ZIM2: variants seen among roughly 807,000 people sequenced by gnomAD.
ZIM2 encodes zinc finger imprinted 2, also known as zinc finger protein 656.
A neutral mutation model predicts 38.6 loss-of-function variants in ZIM2; 14 were observed. That is an observed-to-expected ratio of 0.36 (90% CI 0.24 to 0.57). ZIM2 has a LOEUF of 0.57. ZIM2 is among the 20% of genes least tolerant of loss of function. The pLI, the probability that ZIM2 is intolerant of heterozygous loss-of-function variation, is 0.81. For missense variants in ZIM2, 680 were observed against 695.1 expected (o/e 0.98, Z 0.24); for synonymous variants, 247 against 245.8 (o/e 1.00, Z -0.04).
At chr19:56,815,247 G>T in intron 9 of ZIM2, 1 of 1,614,128 alleles carries the variant, frequency 6.2e-7, no homozygotes. Flanking sequence ...CAGTATTCTC[G>T]CCTTGAGACT....
intron 9 of ZIM2, chr19:56,816,150 A>G (rs781479617): frequency 1.1e-5 from 18 of 1,613,794 alleles, no homozygotes; most frequent in Non-Finnish European, 1.5e-5. Flanking sequence ...CATTTTCCTT[A>G]GTGGGAATCT....
At chr19:56,824,623 T>C (rs1359667961) in intron 3 of ZIM2, 196 bp from the exon 4 acceptor site, 2 of 1,605,644 alleles carry the variant, frequency 1.2e-6, no homozygotes, top group South Asian at 1.1e-5. Flanking sequence ...ACTTCTTAGG[T>C]TTGGTGGCAG....
chr19:56,815,063 T>C (rs2059845310), intron 9 of ZIM2: 3 of 1,614,066 alleles, frequency 1.9e-6, no homozygotes, highest in African/African-American at 1.3e-5. Flanking sequence ...CTGTGGACTT[T>C]CTGATGGTCT....
At position 56,775,512 on chromosome 19, in the gene ZIM2, G is replaced by A. The variant is rs1173297444; in HGVS notation, c.853C>T (p.Pro285Ser). The change falls in exon 13 of 13, where the codon CCA becomes TCA. Residue 285 changes from proline (P) to serine (S), a missense_variant. Pro to Ser is a moderately conservative substitution (Grantham distance 74). Transcript: ENST00000629319. ...VICQGESHDD[P>S]LEPHQGNQEK... ...TGGTTGCCCTGGTGTGGTTCCAATG[G>A]ATCATCATGAGACTCTCCTGCAGAG... 1.9e-6 allele frequency: 3 copies of A among 1,611,606 alleles called. No individual in the cohort carries two copies. The highest frequency in any genetic ancestry group is 1.7e-4 in the Middle Eastern group (1 of 6,038).
intron 11 of ZIM2, 58 bp downstream of exon 11, chr19:56,781,895 G>C: frequency 6.3e-7 from 1 of 1,576,504 alleles, no homozygotes; most frequent in South Asian, 1.2e-5. Flanking sequence ...ACACGAAGGA[G>C]TTGAGAGCTA....
In ZIM2 at chr19:56,808,719, A is replaced by G. The variant is rs559019891; in HGVS notation, c.490+9027T>C. Among the ~76,000 whole-genome samples the G allele has an allele frequency of 8.0e-5, 12 of 150,746 alleles. No homozygotes were observed. In the East Asian group the frequency reaches 2.3e-3, roughly 29 times the overall value. ...TAGTGTTTAGATTCAACATCCACTA[A>G]TCCTTGAGAGGTTTGTCAAAAAATG... On this transcript the variant is annotated intron_variant, in intron 9 of 12. Transcript: ENST00000629319.
At chr19:56,803,830 A>C (rs555542604) in intron 9 of ZIM2, among the ~76,000 whole-genome samples, 3 of 152,296 alleles carry the variant, frequency 2.0e-5, no homozygotes, top group African/African-American at 7.2e-5. Flanking sequence ...TTTTAACCCC[A>C]GTTTTCTCTC....
At chr19:56,813,053 G>A (rs1028565799) in intron 9 of ZIM2, 3 of 984,984 alleles carry the variant, frequency 3.0e-6, no homozygotes, top group East Asian at 1.1e-4. Flanking sequence ...TATCTATCAT[G>A]CCTACAGCTT....
At chr19:56,823,864 G>C (rs1382338747) in intron 4 of ZIM2, among the ~76,000 whole-genome samples, 185 bp from the exon 5 acceptor site, 1 of 152,088 alleles carries the variant, frequency 6.6e-6, no homozygotes, top group Non-Finnish European at 1.5e-5. Context: ...AAACTGGGTG[G>C]GGGGAGCATG....
intron 9 of ZIM2, among the ~76,000 whole-genome samples, chr19:56,792,865 G>C (rs1270754621): frequency 6.6e-6 from 1 of 152,108 alleles, no homozygotes; most frequent in East Asian, 1.9e-4. Flanking sequence ...ATGAGATTAG[G>C]CAGATCAGAC....
intron 10 of ZIM2, among the ~76,000 whole-genome samples, chr19:56,787,933 TATC>T (rs1230176844): frequency 6.6e-6 from 1 of 152,036 alleles, no homozygotes; most frequent in African/African-American, 2.4e-5. Context: ...TCAGTGATGA[TATC>T]ATTTTTTATT....
At chr19:56,811,149 C>T in intron 9 of ZIM2, 1 of 980,552 alleles carries the variant, frequency 1.0e-6, no homozygotes, top group Non-Finnish European at 1.2e-6. Context: ...ATAATGAGTT[C>T]AAATTATGTT....
chr19:56,814,670 T>C lies in ZIM2; in HGVS notation c.490+3076A>G. Reference sequence around the variant, plus strand: ...CCTGGAATGATAGCTTCCTCAGCCATCTGGCTCTGCTCCAGTAAATCATCT... The same window carrying C: ...CCTGGAATGATAGCTTCCTCAGCCACCTGGCTCTGCTCCAGTAAATCATCT... On this transcript the variant is annotated intron_variant, in intron 9 of 12. Transcript: ENST00000629319. The surrounding 1 kb of genome is among the most constrained non-coding windows in gnomAD (Gnocchi z 5.8). The C allele has an allele frequency of 4.3e-6, 7 of 1,614,148 alleles. No homozygotes were observed. The highest frequency in any genetic ancestry group is 1.1e-5 in the South Asian group (1 of 91,078).
chr19:56,788,379 G>A (rs1212767042), intron 10 of ZIM2, among the ~76,000 whole-genome samples: 1 of 152,182 alleles, frequency 6.6e-6, no homozygotes, highest in African/African-American at 2.4e-5. Flanking sequence ...TCATTCGGGA[G>A]CAGGTTGTTC....
In ZIM2 at chr19:56,778,624, G is replaced by C. The variant is rs568540249; in HGVS notation, c.835+753C>G. Among the ~76,000 whole-genome samples, 8 of 152,288 alleles carry C rather than the reference G, an allele frequency of 5.3e-5. No individual in the cohort carries two copies. In the South Asian group the frequency reaches 1.7e-3, roughly 32 times the overall value. On this transcript the variant is annotated intron_variant, in intron 12 of 12. Transcript: ENST00000629319. ...TGTCAGAGTCGAAGGCAGAGTAGAA[G>C]GAGAAAATGAAACTAGGTCTTCGAT...
In ZIM2 at chr19:56,811,678, T is replaced by TCCTTTTC; in HGVS notation, c.490+6061_490+6067dup. On this transcript the variant is annotated intron_variant, in intron 9 of 12. Coordinates refer to ENST00000629319, the MANE Select transcript of ZIM2 (RefSeq NM_001387356.1). ...TCAACACTGATTCTCGTTTCAAGAGTCCTTTTCCCATGTAGTAAACCTCAC... is the reference window on the plus strand; with the variant it reads ...TCAACACTGATTCTCGTTTCAAGAGTCCTTTTCCCTTTTCCCATGTAGTAAACCTCAC... 3 of 985,350 alleles carry TCCTTTTC rather than the reference T, an allele frequency of 3.0e-6. No homozygotes were observed. In the South Asian group the frequency reaches 1.4e-4, roughly 46 times the overall value. 61.0% of individuals were successfully genotyped at this position (985,350 alleles called of 1,614,324 possible).
At position 56,824,243 on chromosome 19, in the gene ZIM2, A is replaced by C; in HGVS notation, c.16+19T>G. 1 of 1,609,710 alleles carries C rather than the reference A, an allele frequency of 6.2e-7. No homozygotes were observed. The highest frequency in any genetic ancestry group is 8.5e-7 in the Non-Finnish European group (1 of 1,177,772). On this transcript the variant is annotated intron_variant, in intron 4 of 12. Coordinates refer to ENST00000629319, the MANE Select transcript of ZIM2 (RefSeq NM_001387356.1). ...CCTGAGGCCTGCACTGACCACCAAC[A>C]CCCCGTGGAGACTCTCACCTTCTGG...
At chr19:56,782,187 A>G in intron 10 of ZIM2, 66 bp from the exon 11 acceptor site, 1 of 1,568,566 alleles carries the variant, frequency 6.4e-7, no homozygotes, top group South Asian at 1.2e-5. Flanking sequence ...CATTCAGACC[A>G]GCAGAGAGCT....
At chr19:56,835,624 C>A (rs996705413) in intron 2 of ZIM2, among the ~76,000 whole-genome samples, 1 of 152,202 alleles carries the variant, frequency 6.6e-6, no homozygotes, top group African/African-American at 2.4e-5. Context: ...CTTTAATTCC[C>A]AAATAGACTA....
Sources: gnomAD v4.1 joint callset for allele counts (sites outside exome capture counted in the v4.1 genomes callset) on GRCh38, gnomAD v4.1.1 for gene constraint, Gnocchi (gnomAD v3.1) non-coding constraint, MANE v1.5 for transcripts, NCBI Gene and HGNC (gene_info 2026-07-23, HGNC 2026-07-21) for gene names.